C5orf52: variants seen among roughly 807,000 people sequenced by gnomAD.
C5orf52 encodes uncharacterized protein C5orf52.
C5orf52 carries 15 observed loss-of-function variants against 16.8 expected under a neutral mutation model. That is an observed-to-expected ratio of 0.89 (90% CI 0.60 to 1.38). The LOEUF is 1.38. C5orf52 is among the 40% of genes most tolerant of loss of function. The probability of loss-of-function intolerance (pLI) is 0.00; values close to 1 mark genes in which losing one functional copy is unlikely to be tolerated. For missense variants in C5orf52, 206 were observed against 213.1 expected (o/e 0.97, Z 0.21); for synonymous variants, 83 against 87.2 (o/e 0.95, Z 0.27).
At chr5:157,675,672 C>A (rs937643359) in intron 2 of C5orf52, among the ~76,000 whole-genome samples, 4 of 152,002 alleles carry the variant, frequency 2.6e-5, no homozygotes, top group Non-Finnish European at 5.9e-5. Context: ...GGTGTGGTGG[C>A]AGCCAGGTGT....
chr5:157,672,565 A>C (rs965528290), intron 1 of C5orf52, among the ~76,000 whole-genome samples: 4 of 152,122 alleles, frequency 2.6e-5, no homozygotes, highest in Non-Finnish European at 2.9e-5. Flanking sequence ...ACAAAAAAAA[A>C]CCAGGATTTG....
chr5:157,679,769 C>A, intron 2 of C5orf52, 72 bp from the exon 3 acceptor site: 4 of 1,405,336 alleles, frequency 2.8e-6, no homozygotes, highest in East Asian at 2.5e-5. Context: ...CAGATGTCTG[C>A]CCTGCTGCGA....
At chr5:157,673,525 C>A (rs1163641187) in intron 1 of C5orf52, among the ~76,000 whole-genome samples, 2 of 152,100 alleles carry the variant, frequency 1.3e-5, no homozygotes, top group Non-Finnish European at 2.9e-5. Flanking sequence ...CTGCTTTCTT[C>A]TCCCATCTAA....
intron 2 of C5orf52, 53 bp downstream of exon 2, chr5:157,675,253 T>C: frequency 9.6e-7 from 1 of 1,036,560 alleles, no homozygotes; most frequent in South Asian, 1.4e-5. Flanking sequence ...TTGACCCATA[T>C]TCATTTCATT....
chr5:157,675,945 C>A (rs185411163), intron 2 of C5orf52, among the ~76,000 whole-genome samples: 25 of 152,276 alleles, frequency 1.6e-4, no homozygotes, highest in African/African-American at 5.5e-4. Flanking sequence ...ATTCATTAAA[C>A]CTGTCCTTAG....
intron 2 of C5orf52, among the ~76,000 whole-genome samples, chr5:157,677,587 G>A (rs1231607694): frequency 6.6e-5 from 10 of 150,696 alleles, no homozygotes; most frequent in Admixed American, 4.7e-4. Flanking sequence ...CCTGGAGGCC[G>A]AGGTTGCGAT....
Position 157,671,791 on chromosome 5 carries a change from G to A in C5orf52, c.177G>A (p.Pro59=), listed in dbSNP as rs1759797364. ...GVGGQPQICF[P]RPRSAQQPVL... ...GGGGTCAGCCGCAGATCTGCTTTCC[G>A]CGGCCGAGGTCCGCGCAGCAGCCGG... Residue 59 remains proline (P), a synonymous_variant, in exon 1 of 3, where the codon CCG becomes CCA. Coordinates refer to ENST00000409999, the MANE Select transcript of C5orf52 (RefSeq NM_001145132.2). 5.8e-6 allele frequency: 9 copies of A among 1,546,912 alleles called. No individual in the cohort carries two copies. Among genetic ancestry groups the A allele is most frequent in the Non-Finnish European group, 7.9e-6 (9 of 1,144,780 alleles).
chr5:157,672,087 C>A (rs1387602159), intron 1 of C5orf52, among the ~76,000 whole-genome samples: 5 of 152,184 alleles, frequency 3.3e-5, no homozygotes, highest in African/African-American at 4.8e-5. Flanking sequence ...GACATCTCCA[C>A]TGACATTTTC....
intron 1 of C5orf52, 70 bp downstream of exon 1, chr5:157,671,896 T>C: frequency 9.3e-7 from 1 of 1,080,254 alleles, no homozygotes; most frequent in Admixed American, 2.9e-5. Flanking sequence ...TCTTTGGGAC[T>C]CGCGCTCCCC....
chr5:157,673,928 G>A (rs1433621171), intron 1 of C5orf52, among the ~76,000 whole-genome samples: 2 of 152,188 alleles, frequency 1.3e-5, no homozygotes, highest in Non-Finnish European at 2.9e-5. Flanking sequence ...CTACAGGCGT[G>A]AGCCAACTTG....
At position 157,675,183 on chromosome 5, in the gene C5orf52, C is replaced by G; in HGVS notation, c.304C>G (p.Arg102Gly). 1 of 1,546,920 alleles carries G rather than the reference C, an allele frequency of 6.5e-7. No individual in the cohort carries two copies. Among genetic ancestry groups the G allele is most frequent in the South Asian group, 1.2e-5 (1 of 83,962 alleles). ...VIIHDNRITQ[R>G]IYEMEVSALE... ...TATTCATGATAACCGCATCACACAA[C>G]GAATCTATGAGATGGAGGTAAAGTA... The change falls in exon 2 of 3, where the codon CGA becomes GGA. Residue 102 changes from arginine (R) to glycine (G), a missense_variant. By Grantham distance (125) the Arg-to-Gly change is moderately radical (BLOSUM62 -2). Coordinates refer to ENST00000409999, the MANE Select transcript of C5orf52 (RefSeq NM_001145132.2).
intron 1 of C5orf52, 113 bp from the exon 2 acceptor site, chr5:157,674,979 T>C: frequency 1.5e-6 from 1 of 648,544 alleles, no homozygotes; most frequent in South Asian, 1.9e-5. Flanking sequence ...GAGCTGCACT[T>C]GTCCCAAGAA....
At chr5:157,676,125 G>A (rs1055841906) in intron 2 of C5orf52, among the ~76,000 whole-genome samples, 4 of 152,142 alleles carry the variant, frequency 2.6e-5, no homozygotes, top group African/African-American at 7.2e-5. Flanking sequence ...CCAGGCTGGA[G>A]TGCAGTGGCG....
intron 1 of C5orf52, among the ~76,000 whole-genome samples, chr5:157,672,783 G>A (rs1307341942): frequency 6.6e-6 from 1 of 152,054 alleles, no homozygotes; most frequent in Non-Finnish European, 1.5e-5. Flanking sequence ...AGCCTCCTGA[G>A]TAGCTGGGAT....
chr5:157,678,888 A>T (rs1181192116), intron 2 of C5orf52, among the ~76,000 whole-genome samples: 1 of 152,074 alleles, frequency 6.6e-6, no homozygotes, highest in Non-Finnish European at 1.5e-5. Context: ...TAATCTCAGC[A>T]CTTTGGGAGG....
At chr5:157,671,900 G>C (rs939515182) in intron 1 of C5orf52, 74 bp downstream of exon 1, 2 of 1,037,008 alleles carry the variant, frequency 1.9e-6, no homozygotes, top group Admixed American at 2.9e-5. Context: ...TGGGACTCGC[G>C]CTCCCCTTAG....
chr5:157,674,901 C>T lies in C5orf52; in HGVS notation c.213-191C>T, dbSNP rs138930493. ...TTTCTTCTGGGTAACCATGAAATACCCCTTTAGCATACCTTTTCCACAACA... is the reference window on the plus strand; with the variant it reads ...TTTCTTCTGGGTAACCATGAAATACTCCTTTAGCATACCTTTTCCACAACA... On this transcript the variant is annotated intron_variant, in intron 1 of 2. Coordinates refer to ENST00000409999, the MANE Select transcript of C5orf52 (RefSeq NM_001145132.2). Among the ~76,000 whole-genome samples, 47 of 152,212 alleles carry T rather than the reference C, an allele frequency of 3.1e-4. No homozygotes were observed. In the East Asian group the frequency reaches 5.0e-3, roughly 16 times the overall value.
chr5:157,679,696 T>C, intron 2 of C5orf52, 145 bp from the exon 3 acceptor site: 1 of 711,530 alleles, frequency 1.4e-6, no homozygotes, highest in Non-Finnish European at 2.3e-6. Context: ...TCTCTGTGAG[T>C]CAAAGTATAT....
At chr5:157,677,027 C>T (rs971985453) in intron 2 of C5orf52, among the ~76,000 whole-genome samples, 2 of 152,022 alleles carry the variant, frequency 1.3e-5, no homozygotes, top group African/African-American at 2.4e-5. Flanking sequence ...TGCCATCATG[C>T]GCAGCTAATG....
Sources: gnomAD v4.1 joint callset for allele counts (sites outside exome capture counted in the v4.1 genomes callset) on GRCh38, gnomAD v4.1.1 for gene constraint, MANE v1.5 for transcripts, NCBI Gene and HGNC (gene_info 2026-07-23, HGNC 2026-07-21) for gene names.